Variants in COL21A1 observed in about 807,000 individuals in gnomAD.
The protein encoded by COL21A1 is collagen type XXI alpha 1 chain.
COL21A1 carries 149 observed loss-of-function variants against 137.9 expected under a neutral mutation model. The observed-to-expected ratio is 1.08, with a 90% CI of 0.95 to 1.24. COL21A1 has a LOEUF of 1.24. Among genes scored for constraint, COL21A1 ranks in the 50% most tolerant of loss-of-function variants. COL21A1 has a pLI of 0.00. For synonymous variants in COL21A1, 456 were observed against 391.5 expected, an observed-to-expected ratio of 1.16 and a Z score of -1.95; for missense variants, 1,167 against 1,158.4, an observed-to-expected ratio of 1.01 and a Z score of -0.11.
At chr6:56,385,809 ACACTATATGTGACCTTTTGTGTTTGG>A (rs2094016946) in intron 1 of COL21A1, among the ~76,000 whole-genome samples, 1 of 152,142 alleles carries the variant, frequency 6.6e-6, no homozygotes, top group South Asian at 2.1e-4. Flanking sequence ...AAAAGGAATT[ACACTATATGTGACCTTTTGTGTTTGG>A]CTTCTTCCAC....
At chr6:56,381,448 A>G (rs751863095) in intron 1 of COL21A1, among the ~76,000 whole-genome samples, 9 of 152,226 alleles carry the variant, frequency 5.9e-5, no homozygotes, top group Non-Finnish European at 1.3e-4. Flanking sequence ...AGATTATATG[A>G]CTGTTACTTC....
At chr6:56,068,607 A>G (rs1409980991) in intron 22 of COL21A1, among the ~76,000 whole-genome samples, 1 of 151,580 alleles carries the variant, frequency 6.6e-6, no homozygotes, top group Non-Finnish European at 1.5e-5. Flanking sequence ...TAATTGTTTC[A>G]TAGATAGGAA....
intron 1 of COL21A1, among the ~76,000 whole-genome samples, chr6:56,229,686 A>C (rs1781426045): frequency 6.6e-6 from 1 of 151,910 alleles, no homozygotes; most frequent in African/African-American, 2.4e-5. Context: ...TTCCAAGGTA[A>C]GGGTAAAGAG....
At chr6:56,165,314 A>T (rs1776490489) in intron 7 of COL21A1, among the ~76,000 whole-genome samples, 1 of 152,198 alleles carries the variant, frequency 6.6e-6, no homozygotes, top group Non-Finnish European at 1.5e-5. Flanking sequence ...CAATCAATAA[A>T]AATTAGTTCA....
At chr6:56,260,331 C>T (rs188538064) in intron 1 of COL21A1, among the ~76,000 whole-genome samples, 17 of 152,030 alleles carry the variant, frequency 1.1e-4, no homozygotes, top group Non-Finnish European at 2.5e-4. Flanking sequence ...CGCCTGTAAT[C>T]CCAGCACTTT....
intron 1 of COL21A1, among the ~76,000 whole-genome samples, chr6:56,313,164 T>C (rs1404263959): frequency 2.6e-5 from 4 of 152,100 alleles, no homozygotes. Context: ...TGGAGTGATC[T>C]AGGGTATCTG....
intron 1 of COL21A1, among the ~76,000 whole-genome samples, chr6:56,325,933 ATATATAT>A (rs1209555436): frequency 0.019 from 404 of 21,722 alleles, 14 homozygotes; most frequent in Non-Finnish European, 0.024. Flanking sequence ...AATATATATA[ATATATAT>A]TATATATTAT....
At chr6:56,172,069 GA>G (rs58176470) in intron 3 of COL21A1, among the ~76,000 whole-genome samples, 61 of 142,306 alleles carry the variant, frequency 4.3e-4, no homozygotes, top group Middle Eastern at 3.6e-3. Flanking sequence ...GCGAGTTCCA[GA>G]AAAAAAAAAA....
intron 14 of COL21A1, 42 bp downstream of exon 14, chr6:56,125,525 A>G: frequency 7.0e-7 from 1 of 1,430,998 alleles, no homozygotes; most frequent in Non-Finnish European, 9.7e-7. Flanking sequence ...CCATTACATT[A>G]AAAGTTCAAT....
intron 1 of COL21A1, among the ~76,000 whole-genome samples, chr6:56,238,430 TAAA>T (rs548005509): frequency 0.02 from 1,792 of 91,462 alleles, 22 homozygotes; most frequent in Middle Eastern, 0.057. Flanking sequence ...GCAGTCTTCT[TAAA>T]AAAAAAAAAA....
At chr6:56,351,775 G>C (rs1479121542) in intron 1 of COL21A1, among the ~76,000 whole-genome samples, 1 of 152,122 alleles carries the variant, frequency 6.6e-6, no homozygotes, top group African/African-American at 2.4e-5. Flanking sequence ...CAGCCTAATG[G>C]GGCTGATTGC....
intron 1 of COL21A1, among the ~76,000 whole-genome samples, chr6:56,357,354 G>A (rs543472743): frequency 6.6e-6 from 1 of 152,228 alleles, no homozygotes; most frequent in East Asian, 1.9e-4. Context: ...ATTGCCATCC[G>A]TAAGAGTGTA....
intron 20 of COL21A1, among the ~76,000 whole-genome samples, chr6:56,071,927 C>T (rs1772941687): frequency 6.6e-6 from 1 of 151,434 alleles, no homozygotes; most frequent in African/African-American, 2.4e-5. Flanking sequence ...AGGTATTAAG[C>T]CCAGCATGCA....
At chr6:56,203,003 T>C (rs1206923636) in intron 1 of COL21A1, among the ~76,000 whole-genome samples, 1 of 152,226 alleles carries the variant, frequency 6.6e-6, no homozygotes, top group Admixed American at 6.5e-5. Context: ...TCTCTAGCTC[T>C]AAATTCCTCT....
chr6:56,257,002 C>T (rs990469736), intron 1 of COL21A1, among the ~76,000 whole-genome samples: 1 of 152,036 alleles, frequency 6.6e-6, no homozygotes, highest in Admixed American at 6.6e-5. Context: ...TCTTATATTT[C>T]CCATAATATA....
intron 1 of COL21A1, among the ~76,000 whole-genome samples, chr6:56,233,688 A>T (rs1280645762): frequency 1.3e-5 from 2 of 151,704 alleles, no homozygotes; most frequent in African/African-American, 4.8e-5. Flanking sequence ...AGCTAAATTA[A>T]CATTTGATTC....
chr6:56,351,166 C>A (rs1765702574), intron 1 of COL21A1, among the ~76,000 whole-genome samples: 2 of 152,216 alleles, frequency 1.3e-5, no homozygotes, highest in African/African-American at 4.8e-5. Context: ...ATGCAAAGAA[C>A]CCATGCTTTG....
chr6:56,141,715 A>C, intron 12 of COL21A1, 70 bp downstream of exon 12: 4 of 1,506,946 alleles, frequency 2.7e-6, no homozygotes, highest in Non-Finnish European at 3.7e-6. Flanking sequence ...ATTGAATGGA[A>C]ACCATCACAG....
At chr6:56,271,565 C>A (rs1001502323) in intron 1 of COL21A1, among the ~76,000 whole-genome samples, 1 of 152,218 alleles carries the variant, frequency 6.6e-6, no homozygotes, top group Non-Finnish European at 1.5e-5. Flanking sequence ...GGGAGGAATT[C>A]AAGCCAGCTG....
Sources: gnomAD v4.1 joint callset for allele counts (sites outside exome capture counted in the v4.1 genomes callset) on GRCh38, gnomAD v4.1.1 for gene constraint, MANE v1.5 for transcripts, NCBI Gene and HGNC (gene_info 2026-07-23, HGNC 2026-07-21) for gene names.